FAM174C: variants seen among roughly 807,000 people sequenced by gnomAD.
FAM174C encodes protein FAM174C.
FAM174C carries 19 observed loss-of-function variants against 12.3 expected under a neutral mutation model. The observed-to-expected ratio is 1.55, with a 90% confidence interval of 1.08 to 2.27. The LOEUF is 2.27. FAM174C is among the 30% of genes most tolerant of loss of function. FAM174C has a pLI of 0.00. For synonymous variants in FAM174C, 147 were observed against 103.5 expected (o/e 1.42, Z -2.55); for missense variants, 239 against 190.2 (o/e 1.26, Z -1.51).
At chr19:1,277,327 C>T (rs1330275771) in intron 2 of FAM174C, 28 bp downstream of exon 2, 2 of 1,527,864 alleles carry the variant, frequency 1.3e-6, no homozygotes, top group African/African-American at 1.4e-5. Context: ...GCTCTGGGGC[C>T]TCGGTGGGCA....
Position 1,275,569 on chromosome 19 carries a change from AGCC to A in FAM174C, c.26_28del (p.Pro9del). 1.6e-6 allele frequency: 2 copies of A among 1,214,402 alleles called. No individual in the cohort carries two copies. Among genetic ancestry groups the A allele is most frequent in the Non-Finnish European group, 2.0e-6 (2 of 980,790 alleles). 75.2% of individuals were successfully genotyped at this position (1,214,402 alleles called of 1,614,324 possible). ...CGGGCCATGGGGCCGCGCGTGCTGC[AGCC>A]GCCGCTGCTGCTGCTCCTGCTGGCG... On this transcript the variant is annotated inframe_deletion, in exon 1 of 3. Transcript: ENST00000409293.
intron 2 of FAM174C, among the ~76,000 whole-genome samples, chr19:1,277,636 A>G (rs969133136): frequency 1.3e-5 from 2 of 151,702 alleles, no homozygotes; most frequent in Admixed American, 1.3e-4. Flanking sequence ...ACGCCTCGCT[A>G]ATTTTTTGTA....
intron 1 of FAM174C, 47 bp from the exon 2 acceptor site, chr19:1,277,136 A>G (rs1334895160): frequency 4.6e-6 from 7 of 1,511,410 alleles, no homozygotes; most frequent in Non-Finnish European, 6.3e-6. Flanking sequence ...AGGAGGAGGC[A>G]GGGTTGGCGG....
At chr19:1,277,109 A>T (rs2081418873) in intron 1 of FAM174C, 74 bp from the exon 2 acceptor site, 1 of 1,492,122 alleles carries the variant, frequency 6.7e-7, no homozygotes, top group Non-Finnish European at 9.0e-7. Context: ...GAGGACGGCA[A>T]TGAGAGTCCT....
Position 1,278,953 on chromosome 19 carries a change from T to C in FAM174C, c.*176T>C. On this transcript the variant is annotated 3_prime_UTR_variant, in exon 3 of 3. Transcript: ENST00000409293. Reference sequence around the variant, plus strand: ...TTGGAACCTGCACAGCCCGCCGACCTGTTGCCACCTGCACCCACCGCTGGA... The same window carrying C: ...TTGGAACCTGCACAGCCCGCCGACCCGTTGCCACCTGCACCCACCGCTGGA... 6.2e-7 allele frequency: 1 copy of C among 1,612,890 alleles called. No homozygotes were observed. Among genetic ancestry groups the C allele is most frequent in the Non-Finnish European group, 8.5e-7 (1 of 1,179,940 alleles).
chr19:1,277,315 C>G lies in FAM174C; in HGVS notation c.398+16C>G. On this transcript the variant is annotated intron_variant, in intron 2 of 2. Transcript: ENST00000409293. The stretch of plus-strand genomic sequence containing the variant: ...ATCTGAGATGGTGTGCACCCTTCCC[C>G]AGCTCTGGGGCCTCGGTGGGCAGGC... 6.5e-7 allele frequency: 1 copy of G among 1,535,546 alleles called. No homozygotes were observed. Among genetic ancestry groups the G allele is most frequent in the Non-Finnish European group, 8.8e-7 (1 of 1,134,442 alleles).
chr19:1,278,867 C>T lies in FAM174C; in HGVS notation c.*90C>T. 1.9e-6 allele frequency: 3 copies of T among 1,613,066 alleles called. No homozygotes were observed. The highest frequency in any genetic ancestry group is 2.5e-6 in the Non-Finnish European group (3 of 1,179,832). ...CAGTGCCCAGCAACCCCCTGCTCCA[C>T]CGCTCATTCCCCTGCTGGCCCCGGG... is the stretch of plus-strand genomic sequence containing the variant. On this transcript the variant is annotated 3_prime_UTR_variant, in exon 3 of 3. Coordinates refer to ENST00000409293, the MANE Select transcript of FAM174C (RefSeq NM_017914.4).
rs2081409006 is a variant in FAM174C, at chr19:1,275,688, A to G, written c.139A>G (p.Asn47Asp). The change falls in exon 1 of 3, where the codon AAC becomes GAC. Residue 47 changes from asparagine (N) to aspartate (D), a missense_variant. Transcript: ENST00000409293. ...VTLSPPPAVT[N>D]GSQPGAPHNS... ...GTTGTCGCCGCCGCCGGCCGTGACG[A>G]ACGGGAGCCAGCCGGGCGCGCCACA... The G allele has an allele frequency of 6.8e-7, 1 of 1,475,708 alleles. No individual in the cohort carries two copies. Among genetic ancestry groups the G allele is most frequent in the Admixed American group, 2.6e-5 (1 of 38,384 alleles). 91.4% of individuals were successfully genotyped at this position (1,475,708 alleles called of 1,614,324 possible).
chr19:1,276,480 T>C (rs967425464), intron 1 of FAM174C: 2 of 152,478 alleles, frequency 1.3e-5, no homozygotes, highest in African/African-American at 4.8e-5. Context: ...GTGTGGCTGC[T>C]TCTCCCGGGT....
rs921409765 is a variant in FAM174C, at chr19:1,275,575, C to CGCT, written c.36_38dup (p.Leu15dup). The CGCT allele has an allele frequency of 1.6e-5, 20 of 1,226,042 alleles. No individual in the cohort carries two copies. Among genetic ancestry groups the CGCT allele is most frequent in the African/African-American group, 1.1e-4 (7 of 63,540 alleles). 75.9% of individuals were successfully genotyped at this position (1,226,042 alleles called of 1,614,324 possible). A position where few individuals can be genotyped will look rare whatever the true frequency, so the allele number is the denominator to read the frequency against. On this transcript the variant is annotated inframe_insertion, in exon 1 of 3. Transcript: ENST00000409293. ...ATGGGGCCGCGCGTGCTGCAGCCGC[C>CGCT]GCTGCTGCTGCTCCTGCTGGCGCTG...
chr19:1,275,675 G>A lies in FAM174C; in HGVS notation c.126G>A (p.Pro42=). The A allele has an allele frequency of 2.1e-6, 3 of 1,448,028 alleles. No individual in the cohort carries two copies. Among genetic ancestry groups the A allele is most frequent in the Non-Finnish European group, 9.0e-7 (1 of 1,112,470 alleles). The allele number at this position is 1,448,028 out of a possible 1,614,324, so 89.7% of individuals were successfully genotyped here. A position where few individuals can be genotyped will look rare whatever the true frequency, so the allele number is the denominator to read the frequency against. ...CCGCGCAGGTCACGTTGTCGCCGCC[G>A]CCGGCCGTGACGAACGGGAGCCAGC... The part of the protein sequence containing the change: ...LRPAQVTLSP[P]PAVTNGSQPG... Residue 42 remains proline (P), a synonymous_variant, in exon 1 of 3, where the codon CCG becomes CCA. Transcript: ENST00000409293.
intron 2 of FAM174C, among the ~76,000 whole-genome samples, chr19:1,278,126 G>C (rs1243540491): frequency 6.6e-6 from 1 of 152,392 alleles, no homozygotes; most frequent in Middle Eastern, 3.4e-3. Context: ...GGTAGTGGTT[G>C]CTCCATCTGG....
At chr19:1,276,915 G>A (rs2081418128) in intron 1 of FAM174C, 2 of 304,896 alleles carry the variant, frequency 6.6e-6, no homozygotes, top group Admixed American at 4.6e-5. Context: ...CAGTGCAATG[G>A]GAGTGACATC....
At position 1,275,564 on chromosome 19, in the gene FAM174C, G is replaced by C; in HGVS notation, c.15G>C (p.Val5=). 1 of 1,220,096 alleles carries C rather than the reference G, an allele frequency of 8.2e-7. No homozygotes were observed. The highest frequency in any genetic ancestry group is 1.0e-6 in the Non-Finnish European group (1 of 981,614). 75.6% of individuals were successfully genotyped at this position (1,220,096 alleles called of 1,614,324 possible). A position where few individuals can be genotyped will look rare whatever the true frequency, so the allele number is the denominator to read the frequency against. MGPR[V]LQPPLLLLLL... ...TCCGCCGGGCCATGGGGCCGCGCGTGCTGCAGCCGCCGCTGCTGCTGCTCC... is the reference window on the plus strand; with the variant it reads ...TCCGCCGGGCCATGGGGCCGCGCGTCCTGCAGCCGCCGCTGCTGCTGCTCC... The change falls in exon 1 of 3, where the codon GTG becomes GTC. Residue 5 remains valine, a synonymous_variant. Transcript: ENST00000409293.
At chr19:1,276,086 A>T (rs773365410) in intron 1 of FAM174C, 10 of 504,354 alleles carry the variant, frequency 2.0e-5, no homozygotes, top group Non-Finnish European at 3.5e-5. Context: ...CTCGGGGGTG[A>T]CGCTGCCCGT....
At chr19:1,275,940 C>T (rs939958888) in intron 1 of FAM174C, 110 bp downstream of exon 1, 23 of 1,032,112 alleles carry the variant, frequency 2.2e-5, no homozygotes, top group African/African-American at 1.5e-4. Context: ...CCCTCCCTCC[C>T]TCTCTCCCTG....
chr19:1,276,729 C>G (rs1478428434), intron 1 of FAM174C: 1 of 155,742 alleles, frequency 6.4e-6, no homozygotes, highest in Non-Finnish European at 1.4e-5. Flanking sequence ...AGAGCCTCCC[C>G]TGTGCTCCAC....
rs2081407491 is a variant in FAM174C at position 1,275,562 on chromosome 19, G to A, written c.13G>A (p.Val5Met). The A allele has an allele frequency of 7.4e-6, 9 of 1,217,490 alleles. No individual in the cohort carries two copies. The East Asian group carries it at 1.3e-4, about 18-fold the overall frequency. The allele number at this position is 1,217,490 out of a possible 1,614,324, so 75.4% of individuals were successfully genotyped here. ...CTTCCGCCGGGCCATGGGGCCGCGC[G>A]TGCTGCAGCCGCCGCTGCTGCTGCT... MGPRVLQPPLLLLLL... is the reference protein window; with the variant it reads MGPRMLQPPLLLLLL... Residue 5 changes from valine to methionine, a missense_variant, in exon 1 of 3, where the codon GTG (valine) becomes ATG (methionine). Physicochemically the swap from Val to Met is conservative, Grantham distance 21 (BLOSUM62 1). Transcript: ENST00000409293.
chr19:1,275,898 T>G, intron 1 of FAM174C, 68 bp downstream of exon 1: 1 of 1,436,696 alleles, frequency 7.0e-7, no homozygotes, highest in Non-Finnish European at 9.4e-7. Flanking sequence ...GTGCGTCACG[T>G]GCCGGGCCGC....
Sources: gnomAD v4.1 joint callset for allele counts (sites outside exome capture counted in the v4.1 genomes callset) on GRCh38, gnomAD v4.1.1 for gene constraint, MANE v1.5 for transcripts, NCBI Gene and HGNC (gene_info 2026-07-23, HGNC 2026-07-21) for gene names.